The following USP9X variants were observed in gnomAD, a reference collection of about 807,000 sequenced individuals.
USP9X encodes ubiquitin specific peptidase 9 X-linked.
Under a neutral mutation model 190.3 loss-of-function variants are expected in USP9X, and 7 were observed. The ratio of observed to expected loss-of-function variants is 0.04; its 90% confidence interval spans 0.02 to 0.07. The LOEUF (loss-of-function observed/expected upper bound fraction) is 0.07. USP9X is among the 10% of genes least tolerant of loss of function. USP9X has a pLI of 1.00. For missense variants in USP9X, 1,010 were observed against 1,916.9 expected, an observed-to-expected ratio of 0.53 and a Z score of 8.83; for synonymous variants, 645 against 659.5, an observed-to-expected ratio of 0.98 and a Z score of 0.34.
At position 41,150,932 on chromosome X, in the gene USP9X, A is replaced by T; in HGVS notation, c.1638A>T (p.Thr546=). 1 of 1,206,289 alleles carries T rather than the reference A, an allele frequency of 8.3e-7. No homozygotes were observed. Among genetic ancestry groups the T allele is most frequent in the Non-Finnish European group, 1.1e-6 (1 of 893,249 alleles). The change falls in exon 13 of 45, where the codon ACA becomes ACT. Residue 546 remains threonine (T), a synonymous_variant. Coordinates refer to ENST00000378308, the MANE Select transcript of USP9X (RefSeq NM_001039591.3). The part of the protein sequence containing the change: ...LDYSCSQDRD[T]QKIQWIDRFI... ...ATCATTTGTTTAAGGACCGTGATAC[A>T]CAAAAGATCCAATGGATAGATCGCT...
intron 21 of USP9X, among the ~76,000 whole-genome samples, chrX:41,180,160 AATT>A (rs768874316): frequency 8.7e-4 from 98 of 112,333 alleles, no homozygotes; most frequent in Non-Finnish European, 1.7e-3. Context: ...CTTGCTTTGC[AATT>A]ATTATGGGAC....
chrX:41,172,716 A>G (rs2062737902), intron 21 of USP9X, among the ~76,000 whole-genome samples: 1 of 112,033 alleles, frequency 8.9e-6, no homozygotes, highest in South Asian at 3.7e-4. Flanking sequence ...TTGTACACCT[A>G]TCACTTATTC....
At chrX:41,125,316 C>T (rs761795462) in intron 2 of USP9X, among the ~76,000 whole-genome samples, 4 of 109,300 alleles carry the variant, frequency 3.7e-5, no homozygotes, top group South Asian at 7.9e-4. Context: ...CCTTGTGATC[C>T]GCCTGCCTTG....
At chrX:41,208,102 C>A (rs185245880) in intron 32 of USP9X, among the ~76,000 whole-genome samples, 1 of 106,073 alleles carries the variant, frequency 9.4e-6, no homozygotes, top group African/African-American at 3.5e-5. Context: ...GGTGTGATCT[C>A]GGCTCACGGT....
chrX:41,232,072 G>A (rs1204517000), intron 44 of USP9X, among the ~76,000 whole-genome samples: 1 of 111,951 alleles, frequency 8.9e-6, no homozygotes, highest in Non-Finnish European at 1.9e-5. Context: ...AAGAGCAACA[G>A]TGGGTTAATC....
intron 1 of USP9X, among the ~76,000 whole-genome samples, chrX:41,121,635 C>G (rs777729224): frequency 1.8e-5 from 2 of 111,670 alleles, no homozygotes; most frequent in South Asian, 7.5e-4. Context: ...AAGTCTCTCT[C>G]AATCTCTTGA....
intron 2 of USP9X, among the ~76,000 whole-genome samples, chrX:41,125,684 A>ACTCTCT (rs1555918325): frequency 0.053 from 1,007 of 18,834 alleles, 36 homozygotes; most frequent in East Asian, 0.11. Flanking sequence ...ACACACACAC[A>ACTCTCT]CTCTCTCTCT....
chrX:41,174,374 G>A (rs1324753077), intron 21 of USP9X, among the ~76,000 whole-genome samples: 2 of 111,479 alleles, frequency 1.8e-5, no homozygotes, highest in African/African-American at 6.5e-5. Flanking sequence ...ATGGATACCG[G>A]GGAATAACTG....
intron 41 of USP9X, among the ~76,000 whole-genome samples, chrX:41,225,709 G>A (rs2063306636): frequency 8.9e-6 from 1 of 112,293 alleles, no homozygotes; most frequent in Non-Finnish European, 1.9e-5. Flanking sequence ...TAACCTTGTT[G>A]TATGTGTGTT....
At position 41,183,621 on chromosome X, in the gene USP9X, G is replaced by A. The variant is rs532023941; in HGVS notation, c.3149-377G>A. ...GCCAGTTAATATATAGTGTCAGGGG[G>A]CAAACAATAAAGAGGTTAGAGGGAA... On this transcript the variant is annotated intron_variant, in intron 21 of 44. Coordinates refer to ENST00000378308, the MANE Select transcript of USP9X (RefSeq NM_001039591.3). Among the ~76,000 whole-genome samples, 3 of 111,409 alleles carry A rather than the reference G, an allele frequency of 2.7e-5. No homozygotes were observed. In the South Asian group the frequency reaches 1.1e-3, roughly 42 times the overall value.
At chrX:41,166,335 G>T in intron 16 of USP9X, 121 bp downstream of exon 16, 2 of 563,842 alleles carry the variant, frequency 3.5e-6, no homozygotes, top group East Asian at 3.7e-5. Flanking sequence ...GGAATTTGGT[G>T]TAGTTAGGAA....
intron 1 of USP9X, among the ~76,000 whole-genome samples, chrX:41,107,561 T>G (rs764420968): frequency 8.9e-6 from 1 of 112,019 alleles, no homozygotes; most frequent in African/African-American, 3.2e-5. Context: ...GTGTGTAGAT[T>G]AATGGTTTTC....
intron 1 of USP9X, among the ~76,000 whole-genome samples, chrX:41,108,531 G>T (rs777395867): frequency 1.8e-5 from 2 of 111,265 alleles, no homozygotes; most frequent in Non-Finnish European, 3.8e-5. Flanking sequence ...ACTTGTTGCT[G>T]TCCACCACAG....
intron 6 of USP9X, among the ~76,000 whole-genome samples, chrX:41,139,364 T>C (rs1049366544): frequency 8.9e-6 from 1 of 112,178 alleles, no homozygotes; most frequent in Non-Finnish European, 1.9e-5. Flanking sequence ...TAAAACCATA[T>C]AAAAACTAGC....
intron 38 of USP9X, among the ~76,000 whole-genome samples, chrX:41,222,802 C>T (rs1184314637): frequency 1.8e-5 from 2 of 111,298 alleles, no homozygotes. Context: ...AGTCCAGCTA[C>T]TGGGGAGGCT....
At chrX:41,134,091 T>C (rs1179948561) in intron 4 of USP9X, among the ~76,000 whole-genome samples, 4 of 112,206 alleles carry the variant, frequency 3.6e-5, no homozygotes, top group African/African-American at 1.3e-4. Context: ...ATATTTTTTT[T>C]CTGAGACCAC....
intron 1 of USP9X, among the ~76,000 whole-genome samples, chrX:41,087,082 C>A (rs1263923): frequency 3.6e-5 from 4 of 112,088 alleles, no homozygotes; most frequent in Non-Finnish European, 5.6e-5. Context: ...TCCATAGTTA[C>A]AACGTTAATT....
intron 14 of USP9X, among the ~76,000 whole-genome samples, chrX:41,156,112 C>T (rs1017011064): frequency 5.4e-5 from 6 of 112,098 alleles, no homozygotes; most frequent in South Asian, 7.4e-4. Context: ...ACCATTTAAC[C>T]GGAGAAAAAT....
chrX:41,137,549 C>T (rs984466913), intron 6 of USP9X, among the ~76,000 whole-genome samples: 4 of 110,904 alleles, frequency 3.6e-5, no homozygotes, highest in East Asian at 2.8e-4. Context: ...TTTCCCTAAA[C>T]GCTGCTTCTT....
Sources: gnomAD v4.1 joint callset for allele counts (sites outside exome capture counted in the v4.1 genomes callset) on GRCh38, gnomAD v4.1.1 for gene constraint, MANE v1.5 for transcripts, NCBI Gene and HGNC (gene_info 2026-07-23, HGNC 2026-07-21) for gene names.